The following PRKAG2 variants were observed in gnomAD, a reference collection of about 807,000 sequenced individuals.
PRKAG2 encodes 5'-AMP-activated protein kinase subunit gamma-2.
In PRKAG2, 26 loss-of-function variants were observed where a neutral mutation model predicts 69.6. That is an observed-to-expected ratio of 0.37 (90% CI 0.27 to 0.52). The LOEUF (loss-of-function observed/expected upper bound fraction) is 0.52. PRKAG2 is among the 20% of genes least tolerant of loss of function. PRKAG2 has a pLI of 0.90. For synonymous variants in PRKAG2, 293 were observed against 285.0 expected, an observed-to-expected ratio of 1.03 and a Z score of -0.28; for missense variants, 557 against 740.0, an observed-to-expected ratio of 0.75 and a Z score of 2.87.
intron 1 of PRKAG2, among the ~76,000 whole-genome samples, chr7:151,866,670 G>A (rs1056278291): frequency 2.0e-5 from 3 of 152,138 alleles, no homozygotes; most frequent in African/African-American, 7.2e-5. Flanking sequence ...GATGAGGATG[G>A]GGCCCAGGTG....
intron 3 of PRKAG2, among the ~76,000 whole-genome samples, chr7:151,711,378 T>C (rs917075281): frequency 2.0e-5 from 3 of 151,810 alleles, no homozygotes; most frequent in Non-Finnish European, 2.9e-5. Flanking sequence ...CTAATAGTGC[T>C]AGGCTAGAGT....
In PRKAG2 at chr7:151,602,992, C is replaced by G. The variant is rs550744079; in HGVS notation, c.755-7538G>C. On this transcript the variant is annotated intron_variant, in intron 5 of 15. Coordinates refer to ENST00000287878, the MANE Select transcript of PRKAG2 (RefSeq NM_016203.4). ...TAAACCGCTTTCCTTTATAAATTAC[C>G]CACCCAGTCTCAGGTAGCCTATTTA... 2.0e-5 allele frequency among the ~76,000 whole-genome samples: 3 copies of G among 152,196 alleles called. No individual in the cohort carries two copies. In the East Asian group the frequency reaches 5.8e-4, roughly 29 times the overall value.
At chr7:151,722,044 G>T (rs1039844774) in intron 3 of PRKAG2, among the ~76,000 whole-genome samples, 1 of 152,166 alleles carries the variant, frequency 6.6e-6, no homozygotes, top group African/African-American at 2.4e-5. Flanking sequence ...TGGGTGAGCT[G>T]GCTATTGTTT....
At chr7:151,714,208 G>T (rs1001425737) in intron 3 of PRKAG2, among the ~76,000 whole-genome samples, 9 of 152,206 alleles carry the variant, frequency 5.9e-5, no homozygotes, top group Non-Finnish European at 1.2e-4. Context: ...CACAGAGTCA[G>T]CGCTCATTAA....
intron 5 of PRKAG2, among the ~76,000 whole-genome samples, chr7:151,599,170 C>G (rs1415646977): frequency 6.6e-6 from 1 of 152,080 alleles, no homozygotes; most frequent in Admixed American, 6.6e-5. Context: ...ACAATTTAAA[C>G]AAAAATAATG....
At chr7:151,797,034 A>G (rs1205754986) in intron 1 of PRKAG2, among the ~76,000 whole-genome samples, 3 of 152,142 alleles carry the variant, frequency 2.0e-5, no homozygotes, top group Non-Finnish European at 4.4e-5. Context: ...ACTCAAGGGA[A>G]AGGCCCCGAG....
At chr7:151,599,662 T>TCA (rs1373646416) in intron 5 of PRKAG2, among the ~76,000 whole-genome samples, 1 of 152,110 alleles carries the variant, frequency 6.6e-6, no homozygotes, top group Non-Finnish European at 1.5e-5. Flanking sequence ...TGGGCACAGT[T>TCA]CACCATCGGG....
At chr7:151,872,792 A>C (rs1360489518) in intron 1 of PRKAG2, among the ~76,000 whole-genome samples, 1 of 152,116 alleles carries the variant, frequency 6.6e-6, no homozygotes, top group African/African-American at 2.4e-5. Context: ...CACGAGTAAG[A>C]GGCAGTCCAC....
intron 3 of PRKAG2, among the ~76,000 whole-genome samples, chr7:151,696,131 C>G (rs1299067719): frequency 6.6e-6 from 1 of 152,232 alleles, no homozygotes; most frequent in Non-Finnish European, 1.5e-5. Context: ...CTGCCAGGAG[C>G]TCAGCCGGCC....
chr7:151,647,534 G>T (rs908019373), intron 4 of PRKAG2, among the ~76,000 whole-genome samples: 2 of 152,236 alleles, frequency 1.3e-5, no homozygotes, highest in Non-Finnish European at 2.9e-5. Context: ...TGAGAGGAAG[G>T]CTTCCTACAG....
intron 1 of PRKAG2, among the ~76,000 whole-genome samples, chr7:151,824,029 T>C (rs928377047): frequency 8.5e-5 from 13 of 152,128 alleles, no homozygotes; most frequent in African/African-American, 3.1e-4. Flanking sequence ...ATTCTTGGTA[T>C]AACTTATGGA....
intron 1 of PRKAG2, among the ~76,000 whole-genome samples, chr7:151,840,321 A>G (rs1380200130): frequency 6.6e-6 from 1 of 152,078 alleles, no homozygotes; most frequent in Admixed American, 6.5e-5. Flanking sequence ...CTGCCTGTGT[A>G]GAGAAAGCAG....
chr7:151,614,017 G>A lies in PRKAG2; in HGVS notation c.754+18052C>T, dbSNP rs1819509574. On this transcript the variant is annotated intron_variant, in intron 5 of 15. Coordinates refer to ENST00000287878, the MANE Select transcript of PRKAG2 (RefSeq NM_016203.4). This position sits in a 1 kb window ranked among gnomAD's most constrained non-coding sequence, Gnocchi z 4.4. ...AGGCTTTCGCTATGTTGGTCAGGCTGGTCTCGAACTTCTGACCTCAGGTGA... is the reference window on the plus strand; with the variant it reads ...AGGCTTTCGCTATGTTGGTCAGGCTAGTCTCGAACTTCTGACCTCAGGTGA... Among the ~76,000 whole-genome samples, 1 of 152,100 alleles carries A rather than the reference G, an allele frequency of 6.6e-6. No individual in the cohort carries two copies. Among genetic ancestry groups the A allele is most frequent in the Non-Finnish European group, 1.5e-5 (1 of 68,018 alleles).
In PRKAG2 at chr7:151,786,659, T is replaced by C. The variant is rs377198666; in HGVS notation, c.115-118A>G. The C allele has an allele frequency of 9.4e-5, 78 of 833,702 alleles. No homozygotes were observed. In the East Asian group the frequency reaches 1.9e-3, roughly 20 times the overall value. The allele number at this position is 833,702 out of a possible 1,614,324, so 51.6% of individuals were successfully genotyped here. A position where few individuals can be genotyped will look rare whatever the true frequency, so the allele number is the denominator to read the frequency against. ...GAGACCTTATCCTTCAAATCCACCA[T>C]GAAGAAGGGATGTGGACGTGTTTGC... On this transcript the variant is annotated intron_variant, in intron 1 of 15. Coordinates refer to ENST00000287878, the MANE Select transcript of PRKAG2 (RefSeq NM_016203.4).
chr7:151,822,075 C>T (rs2078798504), intron 1 of PRKAG2, among the ~76,000 whole-genome samples: 1 of 152,198 alleles, frequency 6.6e-6, no homozygotes, highest in Admixed American at 6.5e-5. Flanking sequence ...AGACCTCACC[C>T]CATGACAACT....
intron 5 of PRKAG2, among the ~76,000 whole-genome samples, chr7:151,605,694 C>T (rs1010098143): frequency 2.0e-5 from 3 of 152,108 alleles, no homozygotes; most frequent in African/African-American, 7.2e-5. Context: ...AATCCCAGCA[C>T]TTTGGGAGGC....
chr7:151,658,627 A>C (rs1829858585), intron 4 of PRKAG2, among the ~76,000 whole-genome samples: 1 of 152,226 alleles, frequency 6.6e-6, no homozygotes, highest in African/African-American at 2.4e-5. Flanking sequence ...AATGTGCCTG[A>C]TCTAATTCAG....
intron 3 of PRKAG2, among the ~76,000 whole-genome samples, chr7:151,688,019 G>A (rs1013237613): frequency 6.8e-6 from 1 of 147,878 alleles, no homozygotes; most frequent in Non-Finnish European, 1.5e-5. Flanking sequence ...GAGGGAGGAG[G>A]AGGAGGAGGA....
chr7:151,750,871 C>A (rs2074621661), intron 3 of PRKAG2, among the ~76,000 whole-genome samples: 1 of 150,462 alleles, frequency 6.6e-6, no homozygotes, highest in Non-Finnish European at 1.5e-5. Flanking sequence ...AGAGCAAGAC[C>A]CTGTCTCCAA....
Sources: gnomAD v4.1 joint callset for allele counts (sites outside exome capture counted in the v4.1 genomes callset) on GRCh38, gnomAD v4.1.1 for gene constraint, Gnocchi (gnomAD v3.1) non-coding constraint, MANE v1.5 for transcripts, NCBI Gene and HGNC (gene_info 2026-07-23, HGNC 2026-07-21) for gene names.